The following PDE4D variants were observed in gnomAD, a reference collection of about 807,000 sequenced individuals.
PDE4D encodes the protein 3',5'-cyclic-AMP phosphodiesterase 4D.
In PDE4D, 24 loss-of-function variants were observed where a neutral mutation model predicts 87.4. That is an observed-to-expected ratio of 0.27 (90% CI 0.20 to 0.39). The LOEUF (loss-of-function observed/expected upper bound fraction) is 0.39, where lower values mean the gene tolerates loss of function less well. PDE4D is among the 10% of genes least tolerant of loss of function. The pLI, the probability that PDE4D is intolerant of heterozygous loss-of-function variation, is 1.00. For missense variants in PDE4D, 714 were observed against 1,041.0 expected (o/e 0.69, Z 4.32); for synonymous variants, 384 against 383.2 (o/e 1.00, Z -0.02).
At chr5:59,645,700 A>G (rs960084492) in intron 1 of PDE4D, among the ~76,000 whole-genome samples, 3 of 152,192 alleles carry the variant, frequency 2.0e-5, no homozygotes, top group African/African-American at 7.2e-5. Context: ...GTCTGTGTGG[A>G]GTGAAGGAGA....
chr5:60,340,177 C>G (rs992358694), intron 1 of PDE4D, among the ~76,000 whole-genome samples: 2 of 152,254 alleles, frequency 1.3e-5, no homozygotes, highest in Non-Finnish European at 2.9e-5. Flanking sequence ...TTCAGGGAAT[C>G]CCTGCTTACA....
chr5:59,749,455 G>C (rs1251300749), intron 1 of PDE4D, among the ~76,000 whole-genome samples: 6 of 152,066 alleles, frequency 3.9e-5, no homozygotes, highest in Non-Finnish European at 1.5e-5. Flanking sequence ...TTTGAGATGA[G>C]GTTTTGCCAT....
chr5:59,878,517 T>C (rs1748939591), intron 1 of PDE4D, among the ~76,000 whole-genome samples: 1 of 152,224 alleles, frequency 6.6e-6, no homozygotes, highest in Non-Finnish European at 1.5e-5. Flanking sequence ...GTTGCTATAT[T>C]GCCCAGGCTA....
chr5:59,876,332 G>A (rs1249796768), intron 1 of PDE4D, among the ~76,000 whole-genome samples: 1 of 152,104 alleles, frequency 6.6e-6, no homozygotes, highest in African/African-American at 2.4e-5. Flanking sequence ...TGATGATGAT[G>A]ATGACAATAA....
At position 59,185,201 on chromosome 5, in the gene PDE4D, C is replaced by G; in HGVS notation, c.746G>C (p.Arg249Pro). The G allele has an allele frequency of 6.2e-7, 1 of 1,612,232 alleles. No individual in the cohort carries two copies. Among genetic ancestry groups the G allele is most frequent in the Non-Finnish European group, 8.5e-7 (1 of 1,178,642 alleles). Residue 249 changes from arginine to proline, a missense_variant, in exon 4 of 15, where the codon CGA (arginine) becomes CCA (proline). This residue lies in a region of PDE4D where 90 missense variants were observed against 177.6 expected (regional missense o/e 0.51). Transcript: ENST00000340635. ...NFAALTNLQD[R>P]APSKRSPMCN... ...AAGGATATCTTACTTGCTAGGTGCT[C>G]GATCTTGCAAATTAGTTAATGCAGC...
intron 1 of PDE4D, among the ~76,000 whole-genome samples, chr5:59,652,220 T>C (rs1743629510): frequency 6.6e-6 from 1 of 152,198 alleles, no homozygotes; most frequent in Non-Finnish European, 1.5e-5. Context: ...AATCTTCTTC[T>C]CTTGGAAACC....
At chr5:59,400,789 C>A (rs1790466874) in intron 1 of PDE4D, among the ~76,000 whole-genome samples, 1 of 151,944 alleles carries the variant, frequency 6.6e-6, no homozygotes, top group Non-Finnish European at 1.5e-5. Context: ...TTAGCATTTA[C>A]CAACTGCATT....
chr5:59,136,311 A>C (rs1777074446), intron 5 of PDE4D, among the ~76,000 whole-genome samples: 1 of 152,160 alleles, frequency 6.6e-6, no homozygotes, highest in South Asian at 2.1e-4. Context: ...TGATGGTGGG[A>C]TTGTAACTTA....
intron 1 of PDE4D, among the ~76,000 whole-genome samples, chr5:59,817,430 C>CAT (rs1265529307): frequency 6.6e-6 from 1 of 152,156 alleles, no homozygotes; most frequent in Non-Finnish European, 1.5e-5. Context: ...GGGAAAGACA[C>CAT]ATAGTAAACA....
At chr5:60,366,569 G>A (rs1760563283) in intron 1 of PDE4D, among the ~76,000 whole-genome samples, 1 of 152,200 alleles carries the variant, frequency 6.6e-6, no homozygotes, top group South Asian at 2.1e-4. Context: ...TAGCCATGAT[G>A]TCAATGAACC....
At chr5:59,863,804 G>A (rs1168706015) in intron 1 of PDE4D, among the ~76,000 whole-genome samples, 2 of 152,040 alleles carry the variant, frequency 1.3e-5, no homozygotes, top group Non-Finnish European at 2.9e-5. Flanking sequence ...TGTTTGTGAT[G>A]GTTTTGGCAC....
At chr5:59,998,446 T>C (rs1399247525) in intron 2 of PDE4D, among the ~76,000 whole-genome samples, 1 of 152,062 alleles carries the variant, frequency 6.6e-6, no homozygotes, top group African/African-American at 2.4e-5. Flanking sequence ...AGACCAGTTG[T>C]TAAAATTACC....
chr5:60,136,080 G>T (rs1018209812), intron 2 of PDE4D, among the ~76,000 whole-genome samples: 1 of 152,064 alleles, frequency 6.6e-6, no homozygotes, highest in Non-Finnish European at 1.5e-5. Context: ...TCTTGTCTGA[G>T]CAATAATATT....
intron 1 of PDE4D, among the ~76,000 whole-genome samples, chr5:59,691,753 C>G (rs1312104955): frequency 6.6e-6 from 1 of 150,988 alleles, no homozygotes; most frequent in Non-Finnish European, 1.5e-5. Context: ...CAGAGCCAAA[C>G]TATTTTAAGA....
chr5:59,559,294 A>G (rs1431909075), intron 1 of PDE4D, among the ~76,000 whole-genome samples: 1 of 152,214 alleles, frequency 6.6e-6, no homozygotes, highest in African/African-American at 2.4e-5. Flanking sequence ...TACTTACTAT[A>G]ATAGTTTAAC....
In PDE4D at chr5:59,919,198, C is replaced by T. The variant is rs138749089; in HGVS notation, c.272+69290G>A. 4.8e-3 allele frequency among the ~76,000 whole-genome samples: 736 copies of T among 152,242 alleles called. 6 individuals are homozygous for T. Among genetic ancestry groups the T allele is most frequent in the African/African-American group, 0.017 (703 of 41,538 alleles). ...AAATACTCCCCAAGCAGGTTGGTAA[C>T]GTCAAGTCTCCTTAGTTTATATCCA... On this transcript the variant is annotated intron_variant, in intron 3 of 16. Coordinates refer to the PDE4D transcript ENST00000502484.
At chr5:59,187,612 C>T (rs1032656084) in intron 3 of PDE4D, among the ~76,000 whole-genome samples, 9 of 152,118 alleles carry the variant, frequency 5.9e-5, no homozygotes, top group Non-Finnish European at 1.2e-4. Flanking sequence ...ATCTGTCTTC[C>T]GGTCTCTCCT....
At chr5:59,896,056 GTAA>G (rs969123811), upstream of PDE4D, among the ~76,000 whole-genome samples, 40 of 152,078 alleles carry the variant, frequency 2.6e-4, no homozygotes, top group African/African-American at 9.4e-4. Flanking sequence ...GTTATTGATA[GTAA>G]TAGTTTCTTG....
At chr5:60,092,646 ACT>A (rs930540659) in intron 2 of PDE4D, among the ~76,000 whole-genome samples, 1 of 151,448 alleles carries the variant, frequency 6.6e-6, no homozygotes, top group Non-Finnish European at 1.5e-5. Flanking sequence ...AAAAAAAAAC[ACT>A]CTGAACACTC....
Sources: allele counts gnomAD v4.1 joint callset (sites outside exome capture counted in the v4.1 genomes callset), GRCh38; gene constraint gnomAD v4.1.1; regional missense constraint gnomAD v4.1.1; transcripts MANE v1.5; gene names NCBI Gene and HGNC (gene_info 2026-07-23, HGNC 2026-07-21).